HCN1: variants seen among roughly 807,000 people sequenced by gnomAD.
The protein encoded by HCN1 is hyperpolarization activated cyclic nucleotide gated potassium channel 1.
HCN1 carries 13 observed loss-of-function variants against 78.9 expected under a neutral mutation model. That is an observed-to-expected ratio of 0.16 (90% CI 0.11 to 0.26). The LOEUF is 0.26. Ranked by LOEUF, HCN1 falls within the 10% of genes least tolerant of loss-of-function variation. HCN1 has a pLI of 1.00. For synonymous variants in HCN1, 552 were observed against 455.5 expected (o/e 1.21, Z -2.70); for missense variants, 810 against 1,154.3 (o/e 0.70, Z 4.32).
chr5:45,335,535 G>C (rs575548570), intron 5 of HCN1, among the ~76,000 whole-genome samples: 1 of 152,032 alleles, frequency 6.6e-6, no homozygotes, highest in Non-Finnish European at 1.5e-5. Flanking sequence ...ATATGATATT[G>C]CTGGGTTTGG....
chr5:45,360,610 C>T (rs781700035), intron 4 of HCN1, among the ~76,000 whole-genome samples: 1 of 152,032 alleles, frequency 6.6e-6, no homozygotes, highest in Non-Finnish European at 1.5e-5. Flanking sequence ...AACACAGCAA[C>T]ATCTTCAATG....
At chr5:45,509,363 A>G (rs1351686400) in intron 2 of HCN1, among the ~76,000 whole-genome samples, 1 of 152,154 alleles carries the variant, frequency 6.6e-6, no homozygotes, top group African/African-American at 2.4e-5. Flanking sequence ...TACACATTTA[A>G]CTATATATGC....
chr5:45,638,334 A>T (rs1195558718), intron 2 of HCN1, among the ~76,000 whole-genome samples: 3 of 152,180 alleles, frequency 2.0e-5, no homozygotes, highest in Admixed American at 6.5e-5. Flanking sequence ...TTATCAACAT[A>T]TAGCCATGGA....
intron 6 of HCN1, among the ~76,000 whole-genome samples, chr5:45,276,371 T>G (rs1253607780): frequency 6.6e-6 from 1 of 152,152 alleles, no homozygotes; most frequent in Non-Finnish European, 1.5e-5. Flanking sequence ...GTTGTCTTAC[T>G]GCAAAGCAGG....
intron 1 of HCN1, among the ~76,000 whole-genome samples, chr5:45,648,512 G>A (rs1263533562): frequency 6.6e-6 from 1 of 151,910 alleles, no homozygotes; most frequent in Admixed American, 6.6e-5. Context: ...ACATAATATT[G>A]TCTTTAGTTA....
chr5:45,504,506 A>G (rs1742255456), intron 2 of HCN1, among the ~76,000 whole-genome samples: 1 of 152,076 alleles, frequency 6.6e-6, no homozygotes, highest in African/African-American at 2.4e-5. Flanking sequence ...TTGTTGATGG[A>G]CATTTGGGTT....
chr5:45,392,356 T>C (rs577966772), intron 4 of HCN1, among the ~76,000 whole-genome samples: 1 of 152,284 alleles, frequency 6.6e-6, no homozygotes, highest in East Asian at 1.9e-4. Flanking sequence ...GGATCATTAA[T>C]TAAAACTAAG....
chr5:45,550,529 G>A (rs1467255362), intron 2 of HCN1, among the ~76,000 whole-genome samples: 4 of 152,066 alleles, frequency 2.6e-5, no homozygotes, highest in African/African-American at 9.7e-5. Flanking sequence ...ATAGCATTAG[G>A]AGATATACCT....
At chr5:45,677,981 C>T (rs1739620089) in intron 1 of HCN1, among the ~76,000 whole-genome samples, 1 of 73,230 alleles carries the variant, frequency 1.4e-5, no homozygotes, top group Admixed American at 1.3e-4. Flanking sequence ...AACACATACA[C>T]ACACACATAC....
At chr5:45,655,979 G>A (rs1317922964) in intron 1 of HCN1, among the ~76,000 whole-genome samples, 5 of 152,046 alleles carry the variant, frequency 3.3e-5, no homozygotes, top group Non-Finnish European at 7.4e-5. Flanking sequence ...TACACAGCAG[G>A]TATTGTTCTA....
At chr5:45,427,809 G>A (rs1386209477) in intron 3 of HCN1, among the ~76,000 whole-genome samples, 1 of 152,058 alleles carries the variant, frequency 6.6e-6, no homozygotes, top group Non-Finnish European at 1.5e-5. Context: ...TGTAGCATAA[G>A]AGTATTACAA....
intron 2 of HCN1, among the ~76,000 whole-genome samples, chr5:45,512,115 G>A (rs1731932069): frequency 6.6e-6 from 1 of 151,948 alleles, no homozygotes; most frequent in African/African-American, 2.4e-5. Flanking sequence ...TTTCTAGCTG[G>A]ATTCCTTCTA....
At chr5:45,424,614 T>C (rs534824575) in intron 3 of HCN1, among the ~76,000 whole-genome samples, 1 of 152,268 alleles carries the variant, frequency 6.6e-6, no homozygotes, top group South Asian at 2.1e-4. Context: ...ATCACAAATA[T>C]TATTAAATTA....
At chr5:45,657,960 C>A (rs183102474) in intron 1 of HCN1, among the ~76,000 whole-genome samples, 2 of 152,044 alleles carry the variant, frequency 1.3e-5, no homozygotes. Flanking sequence ...AGAACAAAGC[C>A]GGAGGCATCA....
At chr5:45,324,164 T>A (rs1746185822) in intron 5 of HCN1, among the ~76,000 whole-genome samples, 1 of 151,932 alleles carries the variant, frequency 6.6e-6, no homozygotes, top group Non-Finnish European at 1.5e-5. Flanking sequence ...TGGGATCTAA[T>A]TAAACTAAAG....
chr5:45,691,500 G>T (rs1415468204), intron 1 of HCN1, among the ~76,000 whole-genome samples: 1 of 152,068 alleles, frequency 6.6e-6, no homozygotes. Flanking sequence ...ATTTCATGTT[G>T]TGTCTAACAG....
chr5:45,522,053 C>A (rs546913042), intron 2 of HCN1, among the ~76,000 whole-genome samples: 10 of 151,896 alleles, frequency 6.6e-5, no homozygotes, highest in Non-Finnish European at 2.9e-5. Context: ...TTTTATTCAA[C>A]TGTATGTTTC....
chr5:45,266,425 G>A (rs923308832), intron 7 of HCN1, among the ~76,000 whole-genome samples: 4 of 151,986 alleles, frequency 2.6e-5, no homozygotes, highest in South Asian at 2.1e-4. Context: ...TACAAAAAAA[G>A]TGATAAAACT....
chr5:45,623,677 T>A (rs894695579), intron 2 of HCN1, among the ~76,000 whole-genome samples: 5 of 152,150 alleles, frequency 3.3e-5, no homozygotes, highest in African/African-American at 1.2e-4. Context: ...TGACTATAAA[T>A]TTACTAACTC....
Sources: allele counts gnomAD v4.1 joint callset (sites outside exome capture counted in the v4.1 genomes callset), GRCh38; gene constraint gnomAD v4.1.1; transcripts MANE v1.5; gene names NCBI Gene and HGNC (gene_info 2026-07-23, HGNC 2026-07-21).